The following GPI variants were observed in gnomAD, a reference collection of about 807,000 sequenced individuals.
GPI encodes the protein glucose-6-phosphate isomerase.
GPI carries 56 observed loss-of-function variants against 75.8 expected under a neutral mutation model. That is an observed-to-expected ratio of 0.74 (90% CI 0.60 to 0.92). The LOEUF (loss-of-function observed/expected upper bound fraction) is 0.92, where lower values mean the gene tolerates loss of function less well. Ranked by LOEUF, GPI falls within the 40% of genes least tolerant of loss-of-function variation. GPI has a pLI of 0.00. For synonymous variants in GPI, 288 were observed against 285.4 expected, an observed-to-expected ratio of 1.01 and a Z score of -0.09; for missense variants, 638 against 741.0, an observed-to-expected ratio of 0.86 and a Z score of 1.61.
upstream of GPI, chr19:34,365,006 C>G: frequency 6.5e-7 from 1 of 1,531,928 alleles, no homozygotes. Context: ...GCCAGCAAAG[C>G]GGCGGCGCAA....
chr19:34,395,536 T>C (rs1411693758), intron 12 of GPI, among the ~76,000 whole-genome samples: 1 of 152,128 alleles, frequency 6.6e-6, no homozygotes, highest in Non-Finnish European at 1.5e-5. Flanking sequence ...AGTGAGACTC[T>C]GTCTCTTTGG....
chr19:34,375,136 G>T (rs531575957), intron 4 of GPI, among the ~76,000 whole-genome samples: 2 of 139,094 alleles, frequency 1.4e-5, no homozygotes, highest in South Asian at 4.7e-4. Flanking sequence ...GGTTAAAACA[G>T]CAATACACTT....
At position 34,369,169 on chromosome 19, in the gene GPI, C is replaced by T. The variant is rs1377397962; in HGVS notation, c.402+467C>T. Among the ~76,000 whole-genome samples, 4 of 151,944 alleles carry T rather than the reference C, an allele frequency of 2.6e-5. No homozygotes were observed. In the South Asian group the frequency reaches 6.2e-4, roughly 24 times the overall value. ...ATTCAAGCTATTCTCCTACCTCAGC[C>T]TCCCGAGTAGCTGGAATTACAATTA... On this transcript the variant is annotated intron_variant, in intron 4 of 17. Transcript: ENST00000356487.
At chr19:34,389,319 C>A (rs529189175) in intron 9 of GPI, among the ~76,000 whole-genome samples, 1 of 152,126 alleles carries the variant, frequency 6.6e-6, no homozygotes, top group Non-Finnish European at 1.5e-5. Flanking sequence ...AGTCCATCTC[C>A]GGGGCTTCAA....
At position 34,394,060 on chromosome 19, in the gene GPI, C is replaced by T. The variant is rs779401223; in HGVS notation, c.1056C>T (p.Phe352=). 3 of 1,609,634 alleles carry T rather than the reference C, an allele frequency of 1.9e-6. No individual in the cohort carries two copies. Among genetic ancestry groups the T allele is most frequent in the East Asian group, 2.2e-5 (1 of 44,886 alleles). The stretch of plus-strand genomic sequence containing the variant: ...ACCTGCACCGCTTTGCTGCGTACTT[C>T]CAGCAGGTACCAGCTGCCAAGCCAG... ...DQYLHRFAAY[F]QQGDMESNGK... is the part of the protein sequence containing the mutation. Residue 352 remains phenylalanine (F), a synonymous_variant, in exon 12 of 18, where the codon TTC becomes TTT. Transcript: ENST00000356487.
chr19:34,377,890 G>T lies in GPI; in HGVS notation c.633+9G>T. On this transcript the variant is annotated intron_variant, in intron 6 of 17. Transcript: ENST00000356487. ...TCATCATTGCCTCCAAGGTATGAGT[G>T]CCGAAAACTGCCCGGCCCCTGGCCC... 1 of 1,614,032 alleles carries T rather than the reference G, an allele frequency of 6.2e-7. No individual in the cohort carries two copies. The highest frequency in any genetic ancestry group is 8.5e-7 in the Non-Finnish European group (1 of 1,179,922).
At chr19:34,377,336 AATATAT>A (rs1243864461) in intron 4 of GPI, among the ~76,000 whole-genome samples, 161 bp from the exon 5 acceptor site, 600 of 49,330 alleles carry the variant, frequency 0.012, 23 homozygotes, top group Admixed American at 0.026. Flanking sequence ...AAAAAAAAAA[AATATAT>A]ATATATATAT....
In GPI at chr19:34,378,792, A is replaced by G. The variant is rs560674611; in HGVS notation, c.634-142A>G. ...TAAAGAGCTGGAATCTCAGGAGGTT[A>G]TGTGGCGTCACTGTCACTGACCTGC... On this transcript the variant is annotated intron_variant, in intron 6 of 17. Transcript: ENST00000356487. The G allele has an allele frequency of 3.2e-5, 23 of 716,436 alleles. 2 individuals carry two copies. Among genetic ancestry groups the G allele is most frequent in the South Asian group, 3.1e-4 (21 of 67,594 alleles). The allele number at this position is 716,436 out of a possible 1,614,324, so 44.4% of individuals were successfully genotyped here.
intron 14 of GPI, 130 bp from the exon 15 acceptor site, chr19:34,399,077 G>C: frequency 1.3e-6 from 1 of 741,922 alleles, no homozygotes; most frequent in Non-Finnish European, 2.2e-6. Flanking sequence ...TGTCCCCCTC[G>C]CTCCAACTGA....
At chr19:34,383,782 A>C (rs1307754108) in intron 9 of GPI, among the ~76,000 whole-genome samples, 1 of 152,074 alleles carries the variant, frequency 6.6e-6, no homozygotes, top group Non-Finnish European at 1.5e-5. Context: ...GGTTGGGTAA[A>C]GGGCCAGAGA....
intron 9 of GPI, among the ~76,000 whole-genome samples, chr19:34,388,446 G>A (rs2074770944): frequency 6.6e-6 from 1 of 151,978 alleles, no homozygotes; most frequent in Non-Finnish European, 1.5e-5. Flanking sequence ...CTACACTCAG[G>A]CCTGGGCGAC....
intron 9 of GPI, among the ~76,000 whole-genome samples, chr19:34,383,900 C>T (rs2145383683): frequency 6.6e-6 from 1 of 152,292 alleles, no homozygotes; most frequent in South Asian, 2.1e-4. Flanking sequence ...AGGGATCTGT[C>T]ATGTGTGAGG....
intron 4 of GPI, among the ~76,000 whole-genome samples, chr19:34,372,365 G>C (rs1189990329): frequency 6.6e-6 from 1 of 152,230 alleles, no homozygotes; most frequent in Non-Finnish European, 1.5e-5. Flanking sequence ...AGTAGGGCCA[G>C]GCACAGTTGC....
intron 12 of GPI, among the ~76,000 whole-genome samples, chr19:34,395,016 A>G (rs576544007): frequency 6.6e-6 from 1 of 152,068 alleles, no homozygotes; most frequent in South Asian, 2.1e-4. Context: ...GCCCAACCCT[A>G]TCCTTGCTTT....
rs758328180 is a variant in GPI at position 34,399,262 on chromosome 19, C to T, written c.1325C>T (p.Thr442Met). ...GAGGCCCTGATGAGGGGAAAATCGA[C>T]GGAGGAGGCCCGAAAGGAGCTCCAG... ...QTEALMRGKS[T>M]EEARKELQAA... Residue 442 changes from threonine (T) to methionine (M), a missense_variant, in exon 15 of 18, where the codon ACG (threonine) becomes ATG (methionine). Physicochemically the swap from Thr to Met is moderately conservative, Grantham distance 81. Coordinates refer to ENST00000356487, the MANE Select transcript of GPI (RefSeq NM_000175.5). 3.8e-5 allele frequency: 61 copies of T among 1,613,746 alleles called. No homozygotes were observed. The highest frequency in any genetic ancestry group is 2.0e-4 in the Admixed American group (12 of 60,006).
intron 8 of GPI, among the ~76,000 whole-genome samples, chr19:34,380,502 G>A (rs958452038): frequency 6.6e-6 from 1 of 151,708 alleles, no homozygotes; most frequent in Non-Finnish European, 1.5e-5. Flanking sequence ...GGCTGGTCTC[G>A]AATTCTTGAC....
intron 4 of GPI, among the ~76,000 whole-genome samples, 167 bp from the exon 5 acceptor site, chr19:34,377,336 A>AAAAAAAAAAAAAT (rs2074558981): frequency 2.0e-5 from 1 of 49,338 alleles, no homozygotes; most frequent in Non-Finnish European, 3.2e-5. Flanking sequence ...AAAAAAAAAA[A>AAAAAAAAAAAAAT]ATATATATAT....
At chr19:34,375,278 G>A (rs12151155) in intron 4 of GPI, among the ~76,000 whole-genome samples, 2 of 151,724 alleles carry the variant, frequency 1.3e-5, no homozygotes, top group Non-Finnish European at 2.9e-5. Flanking sequence ...GAGTAGCTGA[G>A]ATTACAGGCA....
At chr19:34,390,962 A>AT (rs780717087) in intron 9 of GPI, among the ~76,000 whole-genome samples, 9 of 141,840 alleles carry the variant, frequency 6.3e-5, no homozygotes, top group African/African-American at 1.3e-4. Flanking sequence ...TGGCACAGGT[A>AT]TGAGGATCTG....
Sources: allele counts gnomAD v4.1 joint callset (sites outside exome capture counted in the v4.1 genomes callset), GRCh38; gene constraint gnomAD v4.1.1; transcripts MANE v1.5; gene names NCBI Gene and HGNC (gene_info 2026-07-23, HGNC 2026-07-21).